The following TLL2 variants were observed in gnomAD, a reference collection of about 807,000 sequenced individuals.
The protein encoded by TLL2 is tolloid-like protein 2.
In TLL2, 106 loss-of-function variants were observed where a neutral mutation model predicts 123.0. The ratio of observed to expected loss-of-function variants is 0.86; its 90% confidence interval spans 0.74 to 1.01. The LOEUF (loss-of-function observed/expected upper bound fraction) is 1.01. Among genes scored for constraint, TLL2 ranks in the 50% least tolerant of loss-of-function variants. TLL2 has a pLI of 0.00. For synonymous variants in TLL2, 494 were observed against 516.8 expected, an observed-to-expected ratio of 0.96 and a Z score of 0.60; for missense variants, 1,332 against 1,336.7, an observed-to-expected ratio of 1.00 and a Z score of 0.06.
intron 1 of TLL2, among the ~76,000 whole-genome samples, chr10:96,482,313 A>G (rs926727944): frequency 2.0e-5 from 3 of 152,190 alleles, no homozygotes; most frequent in African/African-American, 7.2e-5. Flanking sequence ...AGACCCAGCA[A>G]TTCAACTCCT....
chr10:96,505,003 G>C (rs575233041), intron 1 of TLL2, among the ~76,000 whole-genome samples: 1 of 151,738 alleles, frequency 6.6e-6, no homozygotes, highest in Non-Finnish European at 1.5e-5. Context: ...GCGAGACTCC[G>C]TCTCAAAAAA....
intron 1 of TLL2, among the ~76,000 whole-genome samples, chr10:96,497,220 G>A (rs1220660443): frequency 6.6e-6 from 1 of 152,122 alleles, no homozygotes; most frequent in Non-Finnish European, 1.5e-5. Context: ...AACCTGTGAG[G>A]CAGAGGTTGC....
At chr10:96,492,206 T>C (rs1215203641) in intron 1 of TLL2, among the ~76,000 whole-genome samples, 1 of 151,176 alleles carries the variant, frequency 6.6e-6, no homozygotes, top group African/African-American at 2.4e-5. Flanking sequence ...TTTTGTCCCC[T>C]TTCTATAGAA....
rs754020603 is a variant in TLL2, at chr10:96,410,469, C to T, written c.1054G>A (p.Gly352Arg). The T allele has an allele frequency of 1.2e-6, 2 of 1,613,564 alleles. No individual in the cohort carries two copies. The highest frequency in any genetic ancestry group is 3.3e-5 in the Admixed American group (2 of 60,000). Residue 352 changes from glycine (G) to arginine (R), a missense_variant, in exon 9 of 21, where the codon GGG becomes AGG. By Grantham distance (125) the Gly-to-Arg change is moderately radical. Coordinates refer to ENST00000357947, the MANE Select transcript of TLL2 (RefSeq NM_012465.4). ...ARKLYKCPAC[G>R]ETLQDTTGNF... ...CCCGTTGTGTCCTGCAGGGTCTCCCCACACGCTGCACAAGCAAAATCACAA... is the reference window on the plus strand; with the variant it reads ...CCCGTTGTGTCCTGCAGGGTCTCCCTACACGCTGCACAAGCAAAATCACAA...
intron 18 of TLL2, chr10:96,374,145 A>C: frequency 3.4e-6 from 1 of 291,224 alleles, no homozygotes. Context: ...CACAGCCCAA[A>C]TCTGTCTTCC....
chr10:96,506,140 T>TACAG lies in TLL2; in HGVS notation c.175+7370_175+7371insCTGT. ...GGTGGCGGGCGTCTGTAATCCCAGC[T>TACAG]ACTCAGGAGGCTGAGGCAGGACAAT... On this transcript the variant is annotated intron_variant, in intron 1 of 20. Transcript: ENST00000357947. 2.0e-5 allele frequency among the ~76,000 whole-genome samples: 3 copies of TACAG among 149,616 alleles called. No individual in the cohort carries two copies. In the South Asian group the frequency reaches 6.3e-4, roughly 32 times the overall value.
At chr10:96,505,015 T>TAAAA (rs891466208) in intron 1 of TLL2, among the ~76,000 whole-genome samples, 7 of 146,150 alleles carry the variant, frequency 4.8e-5, no homozygotes, top group Admixed American at 1.3e-4. Context: ...CTCAAAAAAA[T>TAAAA]AAAAAATAAA....
At chr10:96,477,032 CTTT>C (rs10615764) in intron 2 of TLL2, among the ~76,000 whole-genome samples, 13,204 of 110,782 alleles carry the variant, frequency 0.12, 741 homozygotes, top group Non-Finnish European at 0.12. Flanking sequence ...AGCTACTGGA[CTTT>C]TTTTTTTTTT....
chr10:96,500,429 ATTTATT>A (rs1175142287), intron 1 of TLL2, among the ~76,000 whole-genome samples: 1 of 152,232 alleles, frequency 6.6e-6, no homozygotes, highest in Non-Finnish European at 1.5e-5. Context: ...ACTTCTAGAA[ATTTATT>A]CTAAAGAGAT....
intron 16 of TLL2, 132 bp downstream of exon 16, chr10:96,384,455 C>A: frequency 1.1e-6 from 1 of 948,686 alleles, no homozygotes; most frequent in Non-Finnish European, 1.5e-6. Context: ...CACGCCCCCT[C>A]CAAGGCAGCC....
At chr10:96,476,875 C>CACACACACACACACACAG (rs1847260979) in intron 2 of TLL2, among the ~76,000 whole-genome samples, 1 of 144,432 alleles carries the variant, frequency 6.9e-6, no homozygotes, top group African/African-American at 2.7e-5. Context: ...CACACACACA[C>CACACACACACACACACAG]ACACACACAC....
chr10:96,419,659 T>C (rs1391690007), intron 7 of TLL2, among the ~76,000 whole-genome samples: 1 of 152,190 alleles, frequency 6.6e-6, no homozygotes, highest in Non-Finnish European at 1.5e-5. Context: ...CTTAAGCAGC[T>C]GTGTGGCCAG....
chr10:96,469,730 C>A (rs1205381216), intron 2 of TLL2, among the ~76,000 whole-genome samples: 1 of 152,240 alleles, frequency 6.6e-6, no homozygotes, highest in Non-Finnish European at 1.5e-5. Flanking sequence ...AACACAATCT[C>A]CTTAATGGTG....
At chr10:96,413,436 C>G (rs1184054839) in intron 7 of TLL2, 120 bp from the exon 8 acceptor site, 5 of 1,292,462 alleles carry the variant, frequency 3.9e-6, no homozygotes, top group Non-Finnish European at 5.2e-6. Context: ...CCCTGGCCAG[C>G]CTCTCCCAGG....
rs140250965 is a variant in TLL2, at chr10:96,407,903, G to A, written c.1164+2456C>T. On this transcript the variant is annotated intron_variant, in intron 9 of 20. Coordinates refer to ENST00000357947, the MANE Select transcript of TLL2 (RefSeq NM_012465.4). ...TGTGCGTGTGTGTGCATGTGTGTGC[G>A]CACGCTGTCACTCCTCTTTCAAACT... Among the ~76,000 whole-genome samples the A allele has an allele frequency of 7.9e-5, 12 of 152,334 alleles. No homozygotes were observed. The South Asian group carries it at 1.5e-3, about 19-fold the overall frequency.
At chr10:96,394,412 G>A (rs1923697) in intron 13 of TLL2, among the ~76,000 whole-genome samples, 139,418 of 152,246 alleles carry the variant, frequency 0.92, 64,862 homozygotes, top group Non-Finnish European at 1. Flanking sequence ...GGACCTGCCC[G>A]TTCAAAGGAG....
At chr10:96,402,894 C>G (rs954614809) in intron 10 of TLL2, among the ~76,000 whole-genome samples, 1 of 152,198 alleles carries the variant, frequency 6.6e-6, no homozygotes, top group African/African-American at 2.4e-5. Flanking sequence ...AGTGACACCC[C>G]ACAGTTTAGC....
chr10:96,412,817 C>T (rs1257313220), intron 8 of TLL2, among the ~76,000 whole-genome samples: 9 of 152,198 alleles, frequency 5.9e-5, no homozygotes, highest in Admixed American at 5.9e-4. Context: ...CTTGTTTTCC[C>T]AAACCCACAT....
At chr10:96,471,842 T>G in intron 2 of TLL2, among the ~76,000 whole-genome samples, 1 of 152,018 alleles carries the variant, frequency 6.6e-6, no homozygotes, top group East Asian at 1.9e-4. Context: ...GGGTCAGAAT[T>G]TCGTAACTTG....
Sources: gnomAD v4.1 joint callset for allele counts (sites outside exome capture counted in the v4.1 genomes callset) on GRCh38, gnomAD v4.1.1 for gene constraint, MANE v1.5 for transcripts, NCBI Gene and HGNC (gene_info 2026-07-23, HGNC 2026-07-21) for gene names.